RTN4IP1: variants seen among roughly 807,000 people sequenced by gnomAD.
RTN4IP1 encodes the protein reticulon 4 interacting protein 1, also known as NAD(P)H oxidoreductase RTN4IP1, mitochondrial.
Under a neutral mutation model 46.6 loss-of-function variants are expected in RTN4IP1, and 32 were observed. The observed-to-expected ratio is 0.69, with a 90% confidence interval of 0.52 to 0.92. The LOEUF (loss-of-function observed/expected upper bound fraction) is 0.92, where lower values mean the gene tolerates loss of function less well. Ranked by LOEUF, RTN4IP1 falls within the 40% of genes least tolerant of loss-of-function variation. The pLI, the probability that RTN4IP1 is intolerant of heterozygous loss-of-function variation, is 0.00. For synonymous variants in RTN4IP1, 167 were observed against 161.8 expected (o/e 1.03, Z -0.24); for missense variants, 424 against 485.8 (o/e 0.87, Z 1.20).
intron 8 of RTN4IP1, among the ~76,000 whole-genome samples, chr6:106,581,297 T>C (rs765642723): frequency 1.3e-5 from 2 of 152,234 alleles, no homozygotes; most frequent in Non-Finnish European, 1.5e-5. Context: ...AAAAAACAAC[T>C]GTAGCTTTTC....
rs138219369 is a variant in RTN4IP1 at position 106,581,721 on chromosome 6, T to C, written c.1083+1607A>G. 7.2e-5 allele frequency among the ~76,000 whole-genome samples: 11 copies of C among 152,350 alleles called. No homozygotes were observed. The East Asian group carries it at 2.1e-3, about 29-fold the overall frequency. Reference sequence around the variant, plus strand: ...CCTATTTTAGCCATTACCAGTTATCTGCCAAATGTAATAGGTAGATATATA... The same window carrying C: ...CCTATTTTAGCCATTACCAGTTATCCGCCAAATGTAATAGGTAGATATATA... On this transcript the variant is annotated intron_variant, in intron 8 of 8. Transcript: ENST00000369063.
At chr6:106,573,900 TC>T (rs765574599) in intron 8 of RTN4IP1, among the ~76,000 whole-genome samples, 13 of 152,302 alleles carry the variant, frequency 8.5e-5, no homozygotes, top group African/African-American at 1.2e-4. Context: ...CGACCCTGTG[TC>T]CAGGCCACCA....
At chr6:106,594,869 C>T (rs940701929) in intron 5 of RTN4IP1, among the ~76,000 whole-genome samples, 1 of 152,012 alleles carries the variant, frequency 6.6e-6, no homozygotes, top group African/African-American at 2.4e-5. Flanking sequence ...GGCATGATCT[C>T]GGCTCACTGC....
chr6:106,578,430 A>T (rs1256766693), intron 8 of RTN4IP1, among the ~76,000 whole-genome samples: 1 of 152,218 alleles, frequency 6.6e-6, no homozygotes. Context: ...ATTCAATGGC[A>T]TATGCGTGAC....
chr6:106,604,138 C>A (rs1483922326), intron 4 of RTN4IP1, among the ~76,000 whole-genome samples: 1 of 152,190 alleles, frequency 6.6e-6, no homozygotes, highest in East Asian at 1.9e-4. Flanking sequence ...AATCTTGGAA[C>A]ACGCATTCTA....
At chr6:106,584,051 C>T (rs1012095331) in intron 7 of RTN4IP1, among the ~76,000 whole-genome samples, 1 of 152,160 alleles carries the variant, frequency 6.6e-6, no homozygotes, top group African/African-American at 2.4e-5. Flanking sequence ...AAGATGAGTA[C>T]AAATCTTACA....
chr6:106,609,851 G>C (rs1018150734), intron 4 of RTN4IP1, among the ~76,000 whole-genome samples: 1 of 152,216 alleles, frequency 6.6e-6, no homozygotes, highest in African/African-American at 2.4e-5. Flanking sequence ...CTTAGCAAGA[G>C]TGGTTCTGCA....
At chr6:106,623,123 C>A (rs1022902398) in intron 1 of RTN4IP1, among the ~76,000 whole-genome samples, 154 bp from the exon 2 acceptor site, 1 of 151,850 alleles carries the variant, frequency 6.6e-6, no homozygotes, top group African/African-American at 2.4e-5. Flanking sequence ...TTCACTGCAA[C>A]ACTATTCACA....
intron 1 of RTN4IP1, among the ~76,000 whole-genome samples, chr6:106,625,688 G>C (rs1430024057): frequency 2.4e-5 from 3 of 122,456 alleles, no homozygotes; most frequent in African/African-American, 9.4e-5. Flanking sequence ...TTTTGAGACA[G>C]AGTCTTGCTC....
intron 1 of RTN4IP1, among the ~76,000 whole-genome samples, chr6:106,625,661 C>CTTTTTTT (rs773454257): frequency 1.1e-4 from 12 of 112,796 alleles, no homozygotes; most frequent in East Asian, 2.9e-4. Context: ...TCTTTTTTTT[C>CTTTTTTT]TTTTTTTTTT....
Position 106,622,870 on chromosome 6 carries a change from C to A in RTN4IP1, c.374G>T (p.Gly125Val). The A allele has an allele frequency of 6.2e-7, 1 of 1,614,144 alleles. No individual in the cohort carries two copies. The highest frequency in any genetic ancestry group is 8.5e-7 in the Non-Finnish European group (1 of 1,180,020). Residue 125 changes from glycine (G) to valine (V), a missense_variant, in exon 2 of 9, where the codon GGC (glycine) becomes GTC (valine). Transcript: ENST00000369063. ...FPLTLGRDVSGVVMECGLDVK... is the reference protein window; with the variant it reads ...FPLTLGRDVSVVVMECGLDVK... ...ATCAAGCCCACATTCCATCACCACGCCAGAGACATCCCGACCCAGAGTCAG... is the reference window on the plus strand; with the variant it reads ...ATCAAGCCCACATTCCATCACCACGACAGAGACATCCCGACCCAGAGTCAG...
chr6:106,623,101 C>T, intron 1 of RTN4IP1, 132 bp from the exon 2 acceptor site: 1 of 857,052 alleles, frequency 1.2e-6, no homozygotes, highest in Non-Finnish European at 1.8e-6. Context: ...TACAAAGACA[C>T]ATAAGTGTAT....
chr6:106,624,800 G>A (rs1776593287), intron 1 of RTN4IP1, among the ~76,000 whole-genome samples: 1 of 151,286 alleles, frequency 6.6e-6, no homozygotes, highest in Non-Finnish European at 1.5e-5. Context: ...GCCAGGCATA[G>A]TGGTACATGC....
intron 2 of RTN4IP1, 42 bp downstream of exon 2, chr6:106,622,776 T>C: frequency 6.3e-7 from 1 of 1,581,748 alleles, no homozygotes; most frequent in South Asian, 1.1e-5. Flanking sequence ...TCAGGGTCTG[T>C]GGGTTGGATC....
chr6:106,571,861 T>C lies in RTN4IP1; in HGVS notation c.*135A>G. On this transcript the variant is annotated 3_prime_UTR_variant, in exon 9 of 9. Transcript: ENST00000369063. ...CAATTACTGGCCAAAATGGTGTGTT[T>C]ATTTTTTAAAGCTTGTATCATGGAA... 1 of 592,378 alleles carries C rather than the reference T, an allele frequency of 1.7e-6. No homozygotes were observed. The highest frequency in any genetic ancestry group is 3.0e-6 in the Non-Finnish European group (1 of 333,590). 36.7% of individuals were successfully genotyped at this position (592,378 alleles called of 1,614,324 possible). A position where few individuals can be genotyped will look rare whatever the true frequency, so the allele number is the denominator to read the frequency against.
At chr6:106,581,464 T>C (rs1314346378) in intron 8 of RTN4IP1, among the ~76,000 whole-genome samples, 2 of 152,138 alleles carry the variant, frequency 1.3e-5, no homozygotes, top group Non-Finnish European at 2.9e-5. Context: ...AAAAAGGCAA[T>C]GACCTCTCAC....
Position 106,621,452 on chromosome 6 carries a change from T to C in RTN4IP1, c.468A>G (p.Ser156=). ...AVPPWKQGTL[S]EFVVVSGNEV... ...CATTCCCACTGACTACAACAAACTC[T>C]GAAAGAGTGCCTTGTTTCCAAGGAG... is the stretch of plus-strand genomic sequence containing the variant. Residue 156 remains serine, a synonymous_variant, in exon 3 of 9, where the codon TCA becomes TCG. Coordinates refer to ENST00000369063, the MANE Select transcript of RTN4IP1 (RefSeq NM_032730.5). 6.2e-7 allele frequency: 1 copy of C among 1,614,032 alleles called. No individual in the cohort carries two copies. The highest frequency in any genetic ancestry group is 8.5e-7 in the Non-Finnish European group (1 of 1,179,936).
At chr6:106,572,341 T>C (rs1367117835) in intron 8 of RTN4IP1, 1 of 510,900 alleles carries the variant, frequency 2.0e-6, no homozygotes, top group Non-Finnish European at 3.5e-6. Context: ...TTCTCCTCCA[T>C]GCTGGTCTTT....
At chr6:106,576,583 G>A (rs982966315) in intron 8 of RTN4IP1, among the ~76,000 whole-genome samples, 7 of 152,164 alleles carry the variant, frequency 4.6e-5, no homozygotes, top group South Asian at 4.1e-4. Flanking sequence ...AATGTACTTC[G>A]TTGCTAAACG....
Sources: gnomAD v4.1 joint callset for allele counts (sites outside exome capture counted in the v4.1 genomes callset) on GRCh38, gnomAD v4.1.1 for gene constraint, MANE v1.5 for transcripts, NCBI Gene and HGNC (gene_info 2026-07-23, HGNC 2026-07-21) for gene names.